ODR4: variants seen among roughly 807,000 people sequenced by gnomAD.
ODR4 encodes the protein odr-4 GPCR localization factor homolog, also known as protein odr-4 homolog.
ODR4 carries 47 observed loss-of-function variants against 60.2 expected under a neutral mutation model. That is an observed-to-expected ratio of 0.78 (90% CI 0.62 to 1.00). The LOEUF is 1.00. Ranked by LOEUF, ODR4 falls within the 50% of genes least tolerant of loss-of-function variation. The probability of loss-of-function intolerance (pLI) is 0.00; values close to 1 mark genes in which losing one functional copy is unlikely to be tolerated. For synonymous variants in ODR4, 178 were observed against 175.5 expected, an observed-to-expected ratio of 1.01 and a Z score of -0.11; for missense variants, 488 against 530.8, an observed-to-expected ratio of 0.92 and a Z score of 0.79.
At chr1:186,399,206 A>ATTT (rs532098710) in intron 11 of ODR4, 162 bp downstream of exon 11, 309 of 514,352 alleles carry the variant, frequency 6.0e-4, no homozygotes, top group South Asian at 6.9e-4. Context: ...TGCTACTCAG[A>ATTT]TTTTTTTTTT....
intron 11 of ODR4, chr1:186,400,781 TA>T (rs1660913198): frequency 3.0e-6 from 1 of 330,332 alleles, no homozygotes; most frequent in African/African-American, 2.2e-5. Flanking sequence ...TTCACAACCC[TA>T]AAGTTCCATT....
At chr1:186,402,610 T>C in intron 11 of ODR4, among the ~76,000 whole-genome samples, 1 of 149,494 alleles carries the variant, frequency 6.7e-6, no homozygotes, top group East Asian at 2.0e-4. Flanking sequence ...GAGTCTTTGC[T>C]ATGTTGTCCA....
intron 11 of ODR4, among the ~76,000 whole-genome samples, chr1:186,403,914 T>A (rs1001845383): frequency 2.6e-5 from 4 of 152,178 alleles, no homozygotes; most frequent in Non-Finnish European, 5.9e-5. Flanking sequence ...ACATTTGTAA[T>A]CCTGTTTGTC....
the ODR4 span, among the ~76,000 whole-genome samples, chr1:186,434,104 C>T: frequency 6.6e-6 from 1 of 151,722 alleles, no homozygotes; most frequent in Admixed American, 6.6e-5. Context: ...TTTAGATCAT[C>T]CTAGTGGTAC....
chr1:186,422,664 A>C (rs965990571), downstream of ODR4, among the ~76,000 whole-genome samples: 3 of 152,292 alleles, frequency 2.0e-5, no homozygotes, highest in South Asian at 6.2e-4. Context: ...ACAGAGGAGA[A>C]AAAGAAATAC....
chr1:186,387,563 T>A (rs1660301872), intron 4 of ODR4, among the ~76,000 whole-genome samples: 1 of 152,240 alleles, frequency 6.6e-6, no homozygotes. Flanking sequence ...TTGTTTCCAC[T>A]GGCTACACTG....
intron 9 of ODR4, among the ~76,000 whole-genome samples, chr1:186,396,484 C>T (rs1315414887): frequency 2.0e-5 from 3 of 152,070 alleles, no homozygotes; most frequent in Non-Finnish European, 4.4e-5. Flanking sequence ...TGGTGTGTGC[C>T]TGTAGTCCCA....
At chr1:186,381,574 G>C (rs541245372) in intron 2 of ODR4, among the ~76,000 whole-genome samples, 134 of 152,246 alleles carry the variant, frequency 8.8e-4, no homozygotes, top group African/African-American at 3.1e-3. Flanking sequence ...TGATCCGCCT[G>C]CCTCGGCCTC....
intron 3 of ODR4, among the ~76,000 whole-genome samples, chr1:186,384,439 A>G (rs1004745887): frequency 6.6e-6 from 1 of 152,150 alleles, no homozygotes; most frequent in Admixed American, 6.5e-5. Flanking sequence ...ACATTTCAAC[A>G]TGGTGTTTAA....
intron 9 of ODR4, among the ~76,000 whole-genome samples, chr1:186,397,052 A>G (rs1660711072): frequency 6.6e-6 from 1 of 152,096 alleles, no homozygotes; most frequent in African/African-American, 2.4e-5. Flanking sequence ...TTTTGAATGG[A>G]CCCAGGACCT....
the ODR4 span, among the ~76,000 whole-genome samples, chr1:186,432,641 A>G: frequency 6.6e-6 from 1 of 151,874 alleles, no homozygotes; most frequent in South Asian, 2.1e-4. Context: ...TTTGTTTTCA[A>G]ATTTGTTGGC....
chr1:186,400,461 G>A (rs1451845810), intron 11 of ODR4: 1 of 151,864 alleles, frequency 6.6e-6, no homozygotes, highest in Non-Finnish European at 1.5e-5. Context: ...TGTATTTTTA[G>A]TAGAGACAGG....
the ODR4 span, among the ~76,000 whole-genome samples, chr1:186,432,854 C>T: frequency 6.0e-5 from 9 of 150,676 alleles, no homozygotes; most frequent in Non-Finnish European, 1.0e-4. Context: ...GGTGTGGTCT[C>T]GGCTCACTGC....
intron 1 of ODR4, 65 bp from the exon 2 acceptor site, chr1:186,379,702 C>T: frequency 1.2e-6 from 1 of 834,158 alleles, no homozygotes; most frequent in Admixed American, 2.5e-5. Context: ...TAAACTACTC[C>T]CATGATAAAG....
intron 3 of ODR4, among the ~76,000 whole-genome samples, 163 bp from the exon 4 acceptor site, chr1:186,385,825 A>G (rs1328953522): frequency 6.6e-6 from 1 of 152,102 alleles, no homozygotes; most frequent in Non-Finnish European, 1.5e-5. Context: ...TGAGAAAAGG[A>G]TTTATTTATT....
At chr1:186,391,599 A>G in intron 7 of ODR4, 97 bp from the exon 8 acceptor site, 1 of 793,346 alleles carries the variant, frequency 1.3e-6, no homozygotes, top group Non-Finnish European at 2.1e-6. Context: ...TAGGGATTTT[A>G]ATATTTCAAT....
the ODR4 span, among the ~76,000 whole-genome samples, chr1:186,429,724 TA>T: frequency 3.3e-5 from 5 of 151,118 alleles, no homozygotes; most frequent in Non-Finnish European, 7.4e-5. Flanking sequence ...TATTATAATA[TA>T]ATGTCATTAT....
intron 12 of ODR4, among the ~76,000 whole-genome samples, chr1:186,416,096 A>T (rs1433190646): frequency 6.6e-6 from 1 of 152,144 alleles, no homozygotes; most frequent in African/African-American, 2.4e-5. Flanking sequence ...CAGTCTTTTA[A>T]AAATATGAAA....
At chr1:186,432,692 CTCTA>C in the ODR4 span, among the ~76,000 whole-genome samples, 2 of 151,936 alleles carry the variant, frequency 1.3e-5, no homozygotes, top group East Asian at 1.9e-4. Context: ...TTTATCTCAG[CTCTA>C]TCTAAGCATG....
Sources: gnomAD v4.1 joint callset for allele counts (sites outside exome capture counted in the v4.1 genomes callset) on GRCh38, gnomAD v4.1.1 for gene constraint, MANE v1.5 for transcripts, NCBI Gene and HGNC (gene_info 2026-07-23, HGNC 2026-07-21) for gene names.